Variants in CADM2 observed in about 807,000 individuals in gnomAD.
The protein encoded by CADM2 is cell adhesion molecule 2, also known as immunoglobulin superfamily member 4D.
CADM2 carries 12 observed loss-of-function variants against 49.8 expected under a neutral mutation model. The observed-to-expected ratio is 0.24, with a 90% confidence interval of 0.15 to 0.39. The LOEUF (loss-of-function observed/expected upper bound fraction) is 0.39. Among genes scored for constraint, CADM2 ranks in the 10% least tolerant of loss-of-function variants. The pLI is 1.00. For synonymous variants in CADM2, 214 were observed against 175.4 expected, an observed-to-expected ratio of 1.22 and a Z score of -1.74; for missense variants, 378 against 492.3, an observed-to-expected ratio of 0.77 and a Z score of 2.20.
chr3:85,940,164 CAAAAAAAAAA>C (rs10527231), intron 7 of CADM2, among the ~76,000 whole-genome samples: 31 of 52,172 alleles, frequency 5.9e-4, no homozygotes, highest in Middle Eastern at 0.016. Flanking sequence ...ACTAAAAATA[CAAAAAAAAAA>C]AAAAAAAAAA....
At chr3:85,021,147 G>GA (rs1245314698) in intron 1 of CADM2, among the ~76,000 whole-genome samples, 1 of 144,982 alleles carries the variant, frequency 6.9e-6, no homozygotes, top group South Asian at 2.2e-4. Context: ...GGAAAAAAAA[G>GA]AAAAAAAGAG....
chr3:85,561,200 A>G (rs2062087284), intron 1 of CADM2, among the ~76,000 whole-genome samples: 1 of 151,394 alleles, frequency 6.6e-6, no homozygotes. Flanking sequence ...GATTTTTCAG[A>G]TGCTACACAA....
chr3:85,949,859 T>TGTATAAAAATAGG, intron 7 of CADM2, among the ~76,000 whole-genome samples: 1 of 151,044 alleles, frequency 6.6e-6, no homozygotes, highest in Admixed American at 6.6e-5. Context: ...GTTGTAAAAT[T>TGTATAAAAATAGG]ACTCTTGTAT....
chr3:85,123,433 A>T (rs184061784), intron 1 of CADM2, among the ~76,000 whole-genome samples: 47 of 152,214 alleles, frequency 3.1e-4, no homozygotes, highest in African/African-American at 1.1e-3. Flanking sequence ...GTTCAATATC[A>T]CTTACTCTGT....
intron 1 of CADM2, among the ~76,000 whole-genome samples, chr3:85,421,386 T>C (rs1488715272): frequency 6.6e-6 from 1 of 152,142 alleles, no homozygotes; most frequent in Non-Finnish European, 1.5e-5. Context: ...TAGGAATGAA[T>C]TTAAATTATG....
chr3:85,075,772 G>C (rs747707065), intron 1 of CADM2, among the ~76,000 whole-genome samples: 5 of 152,140 alleles, frequency 3.3e-5, no homozygotes, highest in Non-Finnish European at 5.9e-5. Flanking sequence ...TGTCACATTA[G>C]AGCATAATAA....
chr3:85,442,292 T>C (rs1479741010), intron 1 of CADM2, among the ~76,000 whole-genome samples: 1 of 152,010 alleles, frequency 6.6e-6, no homozygotes, highest in Non-Finnish European at 1.5e-5. Context: ...TGTTCTTACA[T>C]ACTGACAGAA....
intron 1 of CADM2, among the ~76,000 whole-genome samples, chr3:85,536,108 T>C (rs570276063): frequency 1.3e-5 from 2 of 151,966 alleles, no homozygotes; most frequent in South Asian, 4.2e-4. Context: ...AAAGAAAACA[T>C]ATGGAAAGGA....
chr3:85,443,439 C>T (rs747334821), intron 1 of CADM2, among the ~76,000 whole-genome samples: 1 of 152,080 alleles, frequency 6.6e-6, no homozygotes, highest in African/African-American at 2.4e-5. Flanking sequence ...TCTCTGCATC[C>T]GTTAACAGCC....
intron 1 of CADM2, among the ~76,000 whole-genome samples, chr3:85,053,311 A>T (rs1269878897): frequency 6.6e-6 from 1 of 152,030 alleles, no homozygotes; most frequent in Admixed American, 6.6e-5. Context: ...TGATCATGCT[A>T]TCTCTACTTT....
Position 86,066,970 on chromosome 3 carries a change from C to G in CADM2, c.*187C>G. On this transcript the variant is annotated 3_prime_UTR_variant, in exon 10 of 10. Transcript: ENST00000383699. ...CATCATTCTTTAATTACTGTACCAT[C>G]CATAATGCAGGACATTTCTTACTGC... 3.4e-6 allele frequency: 2 copies of G among 579,820 alleles called. No homozygotes were observed. Among genetic ancestry groups the G allele is most frequent in the South Asian group, 2.1e-5 (1 of 47,666 alleles). The allele number at this position is 579,820 out of a possible 1,614,324, so 35.9% of individuals were successfully genotyped here.
intron 1 of CADM2, among the ~76,000 whole-genome samples, chr3:85,406,594 A>C (rs1228911619): frequency 3.9e-5 from 6 of 152,068 alleles, no homozygotes; most frequent in Admixed American, 6.6e-5. Context: ...AGTTCTCTCT[A>C]TGTCTAAGAT....
intron 2 of CADM2, among the ~76,000 whole-genome samples, chr3:85,733,872 T>C (rs1291545289): frequency 6.6e-6 from 1 of 152,160 alleles, no homozygotes; most frequent in Non-Finnish European, 1.5e-5. Context: ...CTAATAAAAT[T>C]GGTATTTGCT....
At chr3:86,020,266 A>C (rs1396251237) in intron 8 of CADM2, among the ~76,000 whole-genome samples, 2 of 151,346 alleles carry the variant, frequency 1.3e-5, no homozygotes, top group African/African-American at 4.9e-5. Context: ...CGACACATAC[A>C]CTCTCCCAAG....
chr3:85,236,556 A>C (rs9682566), intron 1 of CADM2, among the ~76,000 whole-genome samples: 105,006 of 151,896 alleles, frequency 0.69, 37,429 homozygotes, highest in African/African-American at 0.87. Flanking sequence ...GCCATTTAAG[A>C]ATACTTATTA....
chr3:85,116,389 G>C (rs1019450888), intron 1 of CADM2, among the ~76,000 whole-genome samples: 3 of 152,160 alleles, frequency 2.0e-5, no homozygotes, highest in East Asian at 1.9e-4. Context: ...CTTGTGTAGA[G>C]AGATTCCTTT....
chr3:85,867,176 G>C (rs1233214422), intron 3 of CADM2, among the ~76,000 whole-genome samples: 1 of 152,050 alleles, frequency 6.6e-6, no homozygotes, highest in Non-Finnish European at 1.5e-5. Flanking sequence ...CGTAACAACT[G>C]TATGTCTAAG....
intron 1 of CADM2, among the ~76,000 whole-genome samples, chr3:84,997,449 C>T (rs1436512825): frequency 6.6e-6 from 1 of 151,846 alleles, no homozygotes; most frequent in Non-Finnish European, 1.5e-5. Flanking sequence ...ATTTGAAAGC[C>T]AGGGTATTTA....
intron 1 of CADM2, among the ~76,000 whole-genome samples, chr3:85,381,015 A>C (rs1222965047): frequency 6.6e-6 from 1 of 152,116 alleles, no homozygotes; most frequent in East Asian, 1.9e-4. Flanking sequence ...ACACAAAGTT[A>C]GAAAGTGTAG....
Sources: allele counts gnomAD v4.1 joint callset (sites outside exome capture counted in the v4.1 genomes callset), GRCh38; gene constraint gnomAD v4.1.1; transcripts MANE v1.5; gene names NCBI Gene and HGNC (gene_info 2026-07-23, HGNC 2026-07-21).